Variants in DLG2 observed in about 807,000 individuals in gnomAD.
DLG2 encodes the protein discs large MAGUK scaffold protein 2.
DLG2 carries 45 observed loss-of-function variants against 132.5 expected under a neutral mutation model. The observed-to-expected ratio is 0.34, with a 90% CI of 0.27 to 0.44. The LOEUF (loss-of-function observed/expected upper bound fraction) is 0.44. Among genes scored for constraint, DLG2 ranks in the 20% least tolerant of loss-of-function variants. DLG2 has a pLI of 1.00. For missense variants in DLG2, 1,045 were observed against 1,196.9 expected, an observed-to-expected ratio of 0.87 and a Z score of 1.87; for synonymous variants, 424 against 419.6, an observed-to-expected ratio of 1.01 and a Z score of -0.13.
At chr11:84,455,759 C>T (rs2099063664) in intron 7 of DLG2, among the ~76,000 whole-genome samples, 1 of 151,328 alleles carries the variant, frequency 6.6e-6, no homozygotes, top group South Asian at 2.1e-4. Context: ...AAGGGCTTAA[C>T]AGCAAATCCA....
At chr11:84,669,306 A>G (rs1438565148) in intron 6 of DLG2, among the ~76,000 whole-genome samples, 2 of 152,098 alleles carry the variant, frequency 1.3e-5, no homozygotes, top group South Asian at 2.1e-4. Flanking sequence ...GGCTAGAGAC[A>G]AGGATGGAAG....
intron 19 of DLG2, among the ~76,000 whole-genome samples, chr11:83,572,779 T>C (rs1187378615): frequency 1.3e-5 from 2 of 152,108 alleles, no homozygotes; most frequent in African/African-American, 4.8e-5. Flanking sequence ...GTTGGATGGG[T>C]CTCTTGGTTA....
intron 6 of DLG2, among the ~76,000 whole-genome samples, chr11:84,825,858 C>A (rs1355216951): frequency 1.3e-5 from 2 of 151,822 alleles, no homozygotes; most frequent in African/African-American, 4.8e-5. Flanking sequence ...TCTTTTATTA[C>A]CCTGTAAATG....
chr11:84,718,435 T>C (rs76866786), intron 6 of DLG2, among the ~76,000 whole-genome samples: 1 of 151,202 alleles, frequency 6.6e-6, no homozygotes, highest in Non-Finnish European at 1.5e-5. Flanking sequence ...AAAAAAAAAG[T>C]GTGTGCTTGA....
intron 6 of DLG2, among the ~76,000 whole-genome samples, chr11:84,737,496 A>AAG (rs1475694473): frequency 0.01 from 1,290 of 123,578 alleles, 25 homozygotes; most frequent in African/African-American, 0.033. Context: ...GAGAGAAAGA[A>AAG]AGAGACAGAG....
chr11:85,188,750 G>A (rs2080310514), intron 4 of DLG2, among the ~76,000 whole-genome samples: 1 of 152,096 alleles, frequency 6.6e-6, no homozygotes, highest in South Asian at 2.1e-4. Context: ...CTCAACAACA[G>A]TTCTGAAATG....
chr11:84,875,164 A>G (rs1297288940), intron 6 of DLG2, among the ~76,000 whole-genome samples: 1 of 152,098 alleles, frequency 6.6e-6, no homozygotes, highest in East Asian at 1.9e-4. Context: ...AGAATGACGG[A>G]GGAGGGGATT....
At chr11:84,570,784 G>T (rs1265742969) in intron 6 of DLG2, among the ~76,000 whole-genome samples, 2 of 151,982 alleles carry the variant, frequency 1.3e-5, no homozygotes, top group African/African-American at 2.4e-5. Context: ...AATATATTTT[G>T]GTGCCTACTT....
At chr11:83,743,594 C>T (rs957603327) in intron 18 of DLG2, among the ~76,000 whole-genome samples, 2 of 151,842 alleles carry the variant, frequency 1.3e-5, no homozygotes, top group African/African-American at 2.4e-5. Flanking sequence ...CCAACACACC[C>T]AGCTAATTTT....
intron 7 of DLG2, among the ~76,000 whole-genome samples, chr11:84,398,328 T>C (rs1006863167): frequency 4.6e-5 from 7 of 151,902 alleles, no homozygotes; most frequent in Non-Finnish European, 8.8e-5. Context: ...GAAAGCAAAA[T>C]TGTCAAGAAA....
intron 6 of DLG2, among the ~76,000 whole-genome samples, chr11:84,619,136 C>T (rs1419312505): frequency 6.6e-6 from 1 of 151,686 alleles, no homozygotes; most frequent in Non-Finnish European, 1.5e-5. Flanking sequence ...TCACCACATT[C>T]TAGATTAAAA....
intron 18 of DLG2, among the ~76,000 whole-genome samples, chr11:83,669,908 G>C (rs1187025696): frequency 6.6e-6 from 1 of 152,202 alleles, no homozygotes; most frequent in Admixed American, 6.5e-5. Flanking sequence ...GAAGAGCTAT[G>C]GATTTAAGAG....
intron 17 of DLG2, among the ~76,000 whole-genome samples, chr11:83,832,229 C>A (rs893149812): frequency 2.0e-5 from 3 of 152,012 alleles, no homozygotes; most frequent in Admixed American, 6.6e-5. Flanking sequence ...GATGGTAGAT[C>A]TTATGTTAAT....
At chr11:83,654,043 G>A (rs1210171399) in intron 18 of DLG2, among the ~76,000 whole-genome samples, 2 of 151,930 alleles carry the variant, frequency 1.3e-5, no homozygotes, top group Admixed American at 6.6e-5. Context: ...TTTAACTAGT[G>A]AATATTAAAT....
intron 6 of DLG2, among the ~76,000 whole-genome samples, chr11:85,039,903 A>T (rs1377837371): frequency 6.6e-6 from 1 of 151,874 alleles, no homozygotes; most frequent in Non-Finnish European, 1.5e-5. Context: ...TCTAATTCAC[A>T]TTGGCAGTCC....
intron 3 of DLG2, among the ~76,000 whole-genome samples, chr11:85,404,986 G>A (rs1230902596): frequency 6.6e-6 from 1 of 151,926 alleles, no homozygotes; most frequent in Non-Finnish European, 1.5e-5. Flanking sequence ...AAGTTCCACA[G>A]ATACTGTATT....
In DLG2 at chr11:85,598,809, A is replaced by G. The variant is rs541577232; in HGVS notation, c.-92-21T>C. 759 of 677,612 alleles carry G rather than the reference A, an allele frequency of 1.1e-3. 8 individuals carry two copies. The highest frequency in any genetic ancestry group is 9.6e-3 in the South Asian group (287 of 29,880). The allele number at this position is 677,612 out of a possible 1,614,324, so 42.0% of individuals were successfully genotyped here. ...AGTATCTGAAAAACATGATATTATT[A>G]TTATATTTTATGGTCTTAGCAAAAT... On this transcript the variant is annotated intron_variant, in intron 2 of 27. Coordinates refer to ENST00000376104, the MANE Select transcript of DLG2 (RefSeq NM_001142699.3).
intron 6 of DLG2, among the ~76,000 whole-genome samples, chr11:84,992,241 C>G (rs2057198806): frequency 6.6e-6 from 1 of 152,142 alleles, no homozygotes; most frequent in South Asian, 2.1e-4. Flanking sequence ...TGTATGCCTT[C>G]CTCCAAAGGG....
chr11:85,463,075 T>A (rs1409932052), intron 3 of DLG2, among the ~76,000 whole-genome samples: 1 of 152,184 alleles, frequency 6.6e-6, no homozygotes, highest in Non-Finnish European at 1.5e-5. Flanking sequence ...GGAATTCCAG[T>A]GTCCAGAACT....
Sources: allele counts gnomAD v4.1 joint callset (sites outside exome capture counted in the v4.1 genomes callset), GRCh38; gene constraint gnomAD v4.1.1; transcripts MANE v1.5; gene names NCBI Gene and HGNC (gene_info 2026-07-23, HGNC 2026-07-21).